The following PRIM2 variants were observed in gnomAD, a reference collection of about 807,000 sequenced individuals.
The protein encoded by PRIM2 is DNA primase large subunit.
Under a neutral mutation model 67.3 loss-of-function variants are expected in PRIM2, and 39 were observed. The observed-to-expected ratio is 0.58, with a 90% confidence interval of 0.45 to 0.76. The LOEUF is 0.76. Ranked by LOEUF, PRIM2 falls within the 30% of genes least tolerant of loss-of-function variation. PRIM2 has a pLI of 0.00. For synonymous variants in PRIM2, 143 were observed against 198.7 expected, an observed-to-expected ratio of 0.72 and a Z score of 2.36; for missense variants, 398 against 598.7, an observed-to-expected ratio of 0.66 and a Z score of 3.50.
At chr6:57,615,322 G>A (rs1313325790) in intron 12 of PRIM2, among the ~76,000 whole-genome samples, 1 of 151,804 alleles carries the variant, frequency 6.6e-6, no homozygotes, top group African/African-American at 2.4e-5. Flanking sequence ...AGGAGGCTGA[G>A]GTGGGAGGAT....
At chr6:57,470,207 C>G (rs1401430484) in intron 7 of PRIM2, among the ~76,000 whole-genome samples, 2 of 151,908 alleles carry the variant, frequency 1.3e-5, no homozygotes, top group Non-Finnish European at 2.9e-5. Context: ...TCTCTTCAAT[C>G]ACATCTTACA....
chr6:57,335,376 T>A (rs1158590743), intron 5 of PRIM2, among the ~76,000 whole-genome samples: 2 of 152,162 alleles, frequency 1.3e-5, no homozygotes, highest in African/African-American at 4.8e-5. Flanking sequence ...CAAGGAGGCC[T>A]GCCTGCCTCT....
chr6:57,377,250 C>T (rs1437543143), intron 5 of PRIM2, among the ~76,000 whole-genome samples: 7 of 152,194 alleles, frequency 4.6e-5, no homozygotes, highest in African/African-American at 1.7e-4. Context: ...AATAATTTGT[C>T]GTGGATACTT....
At chr6:57,260,211 C>T in the PRIM2 span, among the ~76,000 whole-genome samples, 7 of 152,200 alleles carry the variant, frequency 4.6e-5, no homozygotes, top group Non-Finnish European at 8.8e-5. Flanking sequence ...GTAGATTAAA[C>T]TGCATCCCAG....
intron 4 of PRIM2, 35 bp downstream of exon 4, chr6:57,324,315 G>C: frequency 7.6e-6 from 10 of 1,308,478 alleles, no homozygotes; most frequent in Non-Finnish European, 1.1e-5. Flanking sequence ...AGTCAAATCT[G>C]GTGTCATGGG....
chr6:57,635,535 T>A (rs1226242443), intron 13 of PRIM2, among the ~76,000 whole-genome samples: 109,304 of 152,042 alleles, frequency 0.72, 39,737 homozygotes, highest in African/African-American at 0.83. Flanking sequence ...TTAATAGAAA[T>A]TAATGTTTTC....
At chr6:57,338,507 A>G (rs1403990275) in intron 5 of PRIM2, among the ~76,000 whole-genome samples, 2 of 150,590 alleles carry the variant, frequency 1.3e-5, no homozygotes, top group Admixed American at 1.3e-4. Flanking sequence ...AAGCTTATCC[A>G]CCATGATCAA....
chr6:57,566,072 C>G (rs1164633078), intron 10 of PRIM2, among the ~76,000 whole-genome samples: 4 of 151,146 alleles, frequency 2.6e-5, no homozygotes, highest in African/African-American at 9.7e-5. Context: ...TTTTTTTCAG[C>G]CCATTAACTT....
At position 57,437,803 on chromosome 6, in the gene PRIM2, G is replaced by A. The variant is rs543977331; in HGVS notation, c.693+55635G>A. Among the ~76,000 whole-genome samples, 660 of 151,724 alleles carry A rather than the reference G, an allele frequency of 4.3e-3. 5 individuals carry two copies. Among genetic ancestry groups the A allele is most frequent in the African/African-American group, 0.015 (634 of 41,376 alleles). On this transcript the variant is annotated intron_variant, in intron 7 of 13. Transcript: ENST00000615550. ...ACCTAGCCTCTCGAGTAGCTAGGAC[G>A]AAAGGCAGGTAGCACCACGCCTGGC... is the stretch of plus-strand genomic sequence containing the variant.
chr6:57,295,305 T>C, the PRIM2 span, among the ~76,000 whole-genome samples: 1 of 152,052 alleles, frequency 6.6e-6, no homozygotes, highest in Admixed American at 6.6e-5. Flanking sequence ...TTCTACATAC[T>C]GACAAAAAAT....
chr6:57,452,434 C>G (rs1378066400), intron 7 of PRIM2, among the ~76,000 whole-genome samples: 2 of 152,226 alleles, frequency 1.3e-5, no homozygotes, highest in Non-Finnish European at 2.9e-5. Flanking sequence ...TCCACATCCT[C>G]TCCAGCATCT....
chr6:57,567,776 G>A (rs1253359495), intron 10 of PRIM2, among the ~76,000 whole-genome samples: 58,750 of 151,540 alleles, frequency 0.39, 11,585 homozygotes, highest in East Asian at 0.65. Context: ...AGTCATGTTG[G>A]GGGAGATTTT....
intron 7 of PRIM2, among the ~76,000 whole-genome samples, chr6:57,478,826 T>C (rs1773545223): frequency 6.6e-6 from 1 of 152,148 alleles, no homozygotes; most frequent in Non-Finnish European, 1.5e-5. Flanking sequence ...TGAAAGATAA[T>C]CGATTAAACG....
At chr6:57,567,572 A>G (rs1775767919) in intron 10 of PRIM2, among the ~76,000 whole-genome samples, 2 of 152,150 alleles carry the variant, frequency 1.3e-5, no homozygotes, top group South Asian at 4.1e-4. Context: ...TTAGAGTCTT[A>G]AAGCTCTTCC....
chr6:57,470,887 C>T (rs1581938708), intron 7 of PRIM2, among the ~76,000 whole-genome samples: 2 of 152,112 alleles, frequency 1.3e-5, no homozygotes, highest in East Asian at 1.9e-4. Flanking sequence ...ACCCTCTCTA[C>T]GTACGTATAC....
At position 57,334,885 on chromosome 6, in the gene PRIM2, G is replaced by A. The variant is rs146956238; in HGVS notation, c.459+8840G>A. 3.8e-3 allele frequency among the ~76,000 whole-genome samples: 572 copies of A among 152,222 alleles called. 24 individuals carry two copies. In the East Asian group the frequency reaches 0.097, roughly 26 times the overall value. ...ATGGTTTTGGAATAGGAACAGCTCC[G>A]GTCTACAGCTCCCAGCGTGAGCGAC... On this transcript the variant is annotated intron_variant, in intron 5 of 13. Coordinates refer to ENST00000615550, the MANE Select transcript of PRIM2 (RefSeq NM_000947.5).
intron 5 of PRIM2, among the ~76,000 whole-genome samples, chr6:57,332,719 C>G (rs1418484367): frequency 6.6e-6 from 1 of 151,932 alleles, no homozygotes. Context: ...CGTGATATGT[C>G]TTTTTCTATT....
chr6:57,240,091 G>GTTTTTTTTTTTTTT, the PRIM2 span, among the ~76,000 whole-genome samples: 2 of 90,004 alleles, frequency 2.2e-5, no homozygotes, highest in African/African-American at 8.8e-5. Flanking sequence ...TCAATAATCT[G>GTTTTTTTTTTTTTT]TTTTTTTTTT....
intron 7 of PRIM2, among the ~76,000 whole-genome samples, chr6:57,386,517 G>T (rs1770159437): frequency 6.6e-6 from 1 of 151,710 alleles, no homozygotes; most frequent in South Asian, 2.1e-4. Context: ...TTGGTGTCTT[G>T]GATTTAATAG....
Sources: gnomAD v4.1 joint callset for allele counts (sites outside exome capture counted in the v4.1 genomes callset) on GRCh38, gnomAD v4.1.1 for gene constraint, MANE v1.5 for transcripts, NCBI Gene and HGNC (gene_info 2026-07-23, HGNC 2026-07-21) for gene names.